The following CHODL variants were observed in gnomAD, a reference collection of about 807,000 sequenced individuals.
CHODL encodes the protein transmembrane protein MT75.
In CHODL, 29 loss-of-function variants were observed where a neutral mutation model predicts 34.5. The ratio of observed to expected loss-of-function variants is 0.84; its 90% CI spans 0.63 to 1.15. The LOEUF (loss-of-function observed/expected upper bound fraction) is 1.15. Among genes scored for constraint, CHODL ranks in the 50% most tolerant of loss-of-function variants. CHODL has a pLI of 0.00. For missense variants in CHODL, 332 were observed against 332.5 expected, an observed-to-expected ratio of 1.00 and a Z score of 0.01; for synonymous variants, 125 against 116.1, an observed-to-expected ratio of 1.08 and a Z score of -0.49.
At chr21:18,257,240 A>C (rs544962110) in intron 3 of CHODL, 113 bp downstream of exon 3, 1 of 959,498 alleles carries the variant, frequency 1.0e-6, no homozygotes, top group East Asian at 2.5e-5. Context: ...TGTGAAATAG[A>C]AAATTACCTT....
chr21:18,174,139 A>ATATATATCTTGG (rs2073270922), intron 2 of CHODL, among the ~76,000 whole-genome samples: 1 of 88,428 alleles, frequency 1.1e-5, no homozygotes, highest in Non-Finnish European at 2.4e-5. Flanking sequence ...ATATATATAT[A>ATATATATCTTGG]TATATATATA....
intron 1 of CHODL, among the ~76,000 whole-genome samples, chr21:18,005,187 C>T (rs1211625548): frequency 6.6e-6 from 1 of 152,192 alleles, no homozygotes; most frequent in Non-Finnish European, 1.5e-5. Flanking sequence ...TGGGCTCTGC[C>T]ACTTCCTTGC....
intron 1 of CHODL, among the ~76,000 whole-genome samples, chr21:18,246,883 A>G (rs918108137): frequency 2.6e-5 from 4 of 152,170 alleles, no homozygotes; most frequent in African/African-American, 9.7e-5. Context: ...AGGTTTTCTT[A>G]TTAAGCATTT....
In CHODL at chr21:18,189,056, G is replaced by A. The variant is rs2073478910; in HGVS notation, c.-44-67453G>A. On this transcript the variant is annotated intron_variant, in intron 2 of 6. Transcript: ENST00000400127. ...GGTTTTTGCAAAGTCATATTTTATAGTTTGTTGTCAGGCATACAAGTGTGA... is the reference window on the plus strand; with the variant it reads ...GGTTTTTGCAAAGTCATATTTTATAATTTGTTGTCAGGCATACAAGTGTGA... Among the ~76,000 whole-genome samples, 3 of 152,156 alleles carry A rather than the reference G, an allele frequency of 2.0e-5. 1 individual carries two copies. Among genetic ancestry groups the A allele is most frequent in the Admixed American group, 2.0e-4 (3 of 15,276 alleles).
chr21:17,967,207 C>A (rs2063579459), intron 1 of CHODL, among the ~76,000 whole-genome samples: 1 of 151,930 alleles, frequency 6.6e-6, no homozygotes, highest in South Asian at 2.1e-4. Flanking sequence ...TTATGGCCAT[C>A]AGATAATTGT....
intron 1 of CHODL, among the ~76,000 whole-genome samples, chr21:18,018,706 C>T (rs1476432077): frequency 2.0e-5 from 3 of 152,118 alleles, no homozygotes; most frequent in Non-Finnish European, 4.4e-5. Context: ...GGAGAATGGC[C>T]TAATACGGGA....
intron 2 of CHODL, among the ~76,000 whole-genome samples, chr21:18,098,214 T>C (rs2065163773): frequency 1.3e-5 from 2 of 152,000 alleles, no homozygotes. Flanking sequence ...ACAAATGGGA[T>C]CATATCAAGT....
chr21:18,267,165 GTGAAA>G lies in CHODL; in HGVS notation c.*1128_*1132del, dbSNP rs2074474482. The G allele has an allele frequency of 6.6e-6, 1 of 152,230 alleles. No homozygotes were observed. The highest frequency in any genetic ancestry group is 2.1e-4 in the South Asian group (1 of 4,836). 9.4% of individuals were successfully genotyped at this position (152,230 alleles called of 1,614,324 possible). A position where few individuals can be genotyped will look rare whatever the true frequency, so the allele number is the denominator to read the frequency against. On this transcript the variant is annotated 3_prime_UTR_variant, in exon 6 of 6. Transcript: ENST00000299295. ...GGAAGGAAAGGAACTACGAAATCGT[GTGAAA>G]ATGGGTTGGAACCCATCAGTGATCG...
At chr21:18,243,958 A>T (rs1274864612), upstream of CHODL, among the ~76,000 whole-genome samples, 1 of 152,200 alleles carries the variant, frequency 6.6e-6, no homozygotes, top group Non-Finnish European at 1.5e-5. Flanking sequence ...ACTGAAGCTC[A>T]TTATGAGAAC....
chr21:18,248,776 ATG>A (rs2074187969), intron 1 of CHODL, among the ~76,000 whole-genome samples: 1 of 121,810 alleles, frequency 8.2e-6, no homozygotes, highest in Admixed American at 9.4e-5. Flanking sequence ...TATATAATAT[ATG>A]TGTGTATATA....
At chr21:18,045,594 C>T (rs915460805) in intron 2 of CHODL, among the ~76,000 whole-genome samples, 3 of 151,906 alleles carry the variant, frequency 2.0e-5, no homozygotes, top group African/African-American at 7.2e-5. Flanking sequence ...AGTTTATGTC[C>T]TCTAAAACTG....
chr21:18,207,713 A>G (rs1461135268), intron 2 of CHODL, among the ~76,000 whole-genome samples: 2 of 65,936 alleles, frequency 3.0e-5, no homozygotes, highest in Non-Finnish European at 5.8e-5. Context: ...TTTCATGTTT[A>G]AAGGATATTA....
intron 2 of CHODL, among the ~76,000 whole-genome samples, chr21:18,094,845 CA>C (rs1185095287): frequency 6.6e-6 from 1 of 151,176 alleles, no homozygotes; most frequent in Non-Finnish European, 1.5e-5. Flanking sequence ...AAATAATAAC[CA>C]GGGGTGGTGT....
At chr21:17,922,947 T>C (rs189341896) in intron 1 of CHODL, among the ~76,000 whole-genome samples, 1 of 152,098 alleles carries the variant, frequency 6.6e-6, no homozygotes, top group Non-Finnish European at 1.5e-5. Context: ...AAGATGAACA[T>C]TGGTTCCTTC....
intron 1 of CHODL, among the ~76,000 whole-genome samples, chr21:18,248,669 A>T (rs1329549464): frequency 3.0e-5 from 3 of 100,818 alleles, no homozygotes; most frequent in African/African-American, 8.2e-5. Flanking sequence ...ATATATGTAT[A>T]ATACATATAT....
chr21:18,263,933 T>A (rs2074414452), intron 5 of CHODL, among the ~76,000 whole-genome samples: 1 of 151,746 alleles, frequency 6.6e-6, no homozygotes, highest in East Asian at 1.9e-4. Flanking sequence ...TAGACCACTT[T>A]TGTGCTTTTT....
At position 18,029,466 on chromosome 21, in the gene CHODL, CAT is replaced by C. The variant is rs537714388; in HGVS notation, c.-45+1497_-45+1498del. 3.5e-3 allele frequency among the ~76,000 whole-genome samples: 527 copies of C among 152,232 alleles called. 3 individuals carry two copies. The highest frequency in any genetic ancestry group is 0.012 in the African/African-American group (517 of 41,560). On this transcript the variant is annotated intron_variant, in intron 2 of 6. Transcript: ENST00000400127. ...ACTGAAGATAGATGTGTTATGAAAA[CAT>C]AAACATTTTGAAACTTTGATCAAAA...
chr21:18,236,753 G>C (rs905983901), intron 2 of CHODL, among the ~76,000 whole-genome samples: 2 of 151,954 alleles, frequency 1.3e-5, no homozygotes, highest in African/African-American at 4.8e-5. Flanking sequence ...ATAACCACTT[G>C]AACAATACAT....
intron 2 of CHODL, among the ~76,000 whole-genome samples, chr21:18,117,398 G>A (rs1428326016): frequency 6.6e-6 from 1 of 152,196 alleles, no homozygotes; most frequent in African/African-American, 2.4e-5. Flanking sequence ...TCTGCTAGAT[G>A]AAGTGACAGT....
Sources: allele counts gnomAD v4.1 joint callset (sites outside exome capture counted in the v4.1 genomes callset), GRCh38; gene constraint gnomAD v4.1.1; transcripts MANE v1.5; gene names NCBI Gene and HGNC (gene_info 2026-07-23, HGNC 2026-07-21).